The following SEPTIN8 variants were observed in gnomAD, a reference collection of about 807,000 sequenced individuals.
SEPTIN8 encodes septin 8.
In SEPTIN8, 22 loss-of-function variants were observed where a neutral mutation model predicts 53.1. The observed-to-expected ratio is 0.41, with a 90% confidence interval of 0.30 to 0.59. The LOEUF (loss-of-function observed/expected upper bound fraction) is 0.59. SEPTIN8 is among the 20% of genes least tolerant of loss of function. The pLI is 0.24. For synonymous variants in SEPTIN8, 228 were observed against 248.4 expected (o/e 0.92, Z 0.77); for missense variants, 536 against 638.7 (o/e 0.84, Z 1.73).
At chr5:132,779,659 T>A (rs1394279489), upstream of SEPTIN8, among the ~76,000 whole-genome samples, 1 of 152,270 alleles carries the variant, frequency 6.6e-6, no homozygotes, top group Non-Finnish European at 1.5e-5. Flanking sequence ...CTTGTTATTT[T>A]ATTTATTATT....
chr5:132,770,137 A>ATG (rs1273504508), intron 1 of SEPTIN8, among the ~76,000 whole-genome samples: 98 of 66,790 alleles, frequency 1.5e-3, no homozygotes, highest in Admixed American at 2.4e-3. Flanking sequence ...ATATATGTGT[A>ATG]TGTGTGTGTA....
rs768233643 is a variant in SEPTIN8, at chr5:132,761,572, A to G, written c.848T>C (p.Val283Ala). 6.2e-7 allele frequency: 1 copy of G among 1,613,924 alleles called. No individual in the cohort carries two copies. Among genetic ancestry groups the G allele is most frequent in the African/African-American group, 1.3e-5 (1 of 74,962 alleles). The stretch of plus-strand genomic sequence containing the variant: ...CTGCTCGCGGAGGTCTTCCATGTTC[A>G]CCCGGATCAACATCTCCCGCAGCTT... ...FVKLREMLIR[V>A]NMEDLREQTH... Residue 283 changes from valine to alanine, a missense_variant, in exon 7 of 10, where the codon GTG becomes GCG. Physicochemically the swap from Val to Ala is moderately conservative, Grantham distance 64. Transcript: ENST00000378719. This position sits in a 1 kb window ranked among gnomAD's most constrained non-coding sequence, Gnocchi z 5.8.
At position 132,776,588 on chromosome 5, in the gene SEPTIN8, G is replaced by A. The variant is rs1757818855; in HGVS notation, c.30+520C>T. On this transcript the variant is annotated intron_variant, in intron 1 of 9. Transcript: ENST00000378719. The surrounding 1 kb of genome is among the most constrained non-coding windows in gnomAD (Gnocchi z 4.4). The stretch of plus-strand genomic sequence containing the variant: ...AGCGGGGCAGAGGGGAGCGGGGGAG[G>A]AAGGAAAAGCAGGCCAAGGGTCTTC... Among the ~76,000 whole-genome samples, 1 of 152,150 alleles carries A rather than the reference G, an allele frequency of 6.6e-6. No homozygotes were observed. The highest frequency in any genetic ancestry group is 6.5e-5 in the Admixed American group (1 of 15,286).
In SEPTIN8 at chr5:132,773,960, G is replaced by C. The variant is rs561034113; in HGVS notation, c.30+3148C>G. 1 of 152,610 alleles carries C rather than the reference G, an allele frequency of 6.6e-6. No homozygotes were observed. Among genetic ancestry groups the C allele is most frequent in the Admixed American group, 6.5e-5 (1 of 15,304 alleles). The allele number at this position is 152,610 out of a possible 1,614,324, so 9.5% of individuals were successfully genotyped here. On this transcript the variant is annotated intron_variant, in intron 1 of 9. Coordinates refer to ENST00000378719, the MANE Select transcript of SEPTIN8 (RefSeq NM_001098811.2). This position sits in a 1 kb window ranked among gnomAD's most constrained non-coding sequence, Gnocchi z 4.2. ...AGGGCAGAGCTGCAGCTCTGCAGGT[G>C]GTGCTCACATGTGCCCTGGGAGCTG...
In SEPTIN8 at chr5:132,762,570, T is replaced by C. The variant is rs1298302558; in HGVS notation, c.610A>G (p.Met204Val). 5 of 1,614,196 alleles carry C rather than the reference T, an allele frequency of 3.1e-6. No individual in the cohort carries two copies. The highest frequency in any genetic ancestry group is 8.5e-7 in the Non-Finnish European group (1 of 1,179,976). The change falls in exon 5 of 10, where the codon ATG (methionine) becomes GTG (valine). Residue 204 changes from methionine to valine, a missense_variant. Physicochemically the swap from Met to Val is conservative, Grantham distance 21. Around this residue, in one of 3 missense-constraint regions of SEPTIN8, gnomAD observed 395 missense variants for 451.8 expected, o/e 0.87. Coordinates refer to ENST00000378719, the MANE Select transcript of SEPTIN8 (RefSeq NM_001098811.2). ...SELHKFKIKI[M>V]GELVSNGVQI... The stretch of plus-strand genomic sequence containing the variant: ...ACCCCGTTGCTGACCAACTCGCCCA[T>C]GATCTTGATCTTGAACTTGTGGAGC...
chr5:132,765,367 T>C, intron 2 of SEPTIN8, 42 bp downstream of exon 2: 2 of 1,608,472 alleles, frequency 1.2e-6, no homozygotes, highest in Non-Finnish European at 1.7e-6. Flanking sequence ...TCCCAGGAGG[T>C]TCTCACCCAC....
chr5:132,767,201 G>A (rs1478987221), intron 1 of SEPTIN8, among the ~76,000 whole-genome samples: 5 of 152,122 alleles, frequency 3.3e-5, no homozygotes, highest in African/African-American at 1.2e-4. Flanking sequence ...AACATAATTG[G>A]ACAAGGAGGT....
At chr5:132,778,671 T>A (rs1178222086), upstream of SEPTIN8, among the ~76,000 whole-genome samples, 1 of 152,240 alleles carries the variant, frequency 6.6e-6, no homozygotes, top group Non-Finnish European at 1.5e-5. Flanking sequence ...GCAAGTTACT[T>A]AACTATGCCT....
intron 9 of SEPTIN8, chr5:132,755,949 G>C (rs760776703): frequency 7.7e-5 from 73 of 949,118 alleles, no homozygotes; most frequent in Non-Finnish European, 6.6e-5. Flanking sequence ...AGATTAATGG[G>C]CTCAGGAAAC....
intron 1 of SEPTIN8, among the ~76,000 whole-genome samples, chr5:132,768,998 C>T (rs1756911405): frequency 1.3e-5 from 2 of 152,172 alleles, no homozygotes; most frequent in South Asian, 2.1e-4. Context: ...AGGGAGAAAG[C>T]GAGGAGAGCC....
At chr5:132,762,713 C>T in intron 4 of SEPTIN8, 68 bp from the exon 5 acceptor site, 1 of 1,540,122 alleles carries the variant, frequency 6.5e-7, no homozygotes, top group Non-Finnish European at 9.0e-7. Flanking sequence ...CATGCCATGC[C>T]CAGGATATGG....
At position 132,761,847 on chromosome 5, in the gene SEPTIN8, C is replaced by T; in HGVS notation, c.746G>A (p.Gly249Glu). The change falls in exon 6 of 10, where the codon GGG becomes GAG. Residue 249 changes from glycine (G) to glutamate (E), a missense_variant. Gly to Glu is a moderately conservative substitution (Grantham distance 98). Around this residue, in one of 3 missense-constraint regions of SEPTIN8, gnomAD observed 395 missense variants for 451.8 expected, o/e 0.87. Transcript: ENST00000378719. This position sits in a 1 kb window ranked among gnomAD's most constrained non-coding sequence, Gnocchi z 5.8. The part of the protein sequence containing the change: ...VVGSTEEVKV[G>E]NKLVRARQYP... Reference sequence around the variant, plus strand: ...CTGCCGTGCTCGGACCAGCTTGTTCCCCACCTTCACCTCCTCGGTGCTGCC... The same window carrying T: ...CTGCCGTGCTCGGACCAGCTTGTTCTCCACCTTCACCTCCTCGGTGCTGCC... 6.2e-7 allele frequency: 1 copy of T among 1,607,992 alleles called. No homozygotes were observed. The highest frequency in any genetic ancestry group is 1.3e-5 in the African/African-American group (1 of 74,932).
chr5:132,764,253 G>A lies in SEPTIN8; in HGVS notation c.318C>T (p.Gly106=), dbSNP rs762465586. The part of the protein sequence containing the change: ...QLKLTIVDAV[G]FGDQINKDES... ...CATCCTTATTGATCTGATCCCCAAAGCCCACGGCATCCACAATGGTCAGCT... is the reference window on the plus strand; with the variant it reads ...CATCCTTATTGATCTGATCCCCAAAACCCACGGCATCCACAATGGTCAGCT... Residue 106 remains glycine (G), a synonymous_variant, in exon 3 of 10, where the codon GGC becomes GGT. Coordinates refer to ENST00000378719, the MANE Select transcript of SEPTIN8 (RefSeq NM_001098811.2). 1 of 1,613,900 alleles carries A rather than the reference G, an allele frequency of 6.2e-7. No homozygotes were observed. The highest frequency in any genetic ancestry group is 8.5e-7 in the Non-Finnish European group (1 of 1,179,916).
In SEPTIN8 at chr5:132,751,052, C is replaced by T. The variant is rs1005698771; in HGVS notation, c.*964G>A. On this transcript the variant is annotated 3_prime_UTR_variant, in exon 10 of 10. Coordinates refer to ENST00000378719, the MANE Select transcript of SEPTIN8 (RefSeq NM_001098811.2). ...CCTAAACTCGTTTGTGCCTTTGGAACAGCTGTTTACAACATGGGATGGCAA... is the reference window on the plus strand; with the variant it reads ...CCTAAACTCGTTTGTGCCTTTGGAATAGCTGTTTACAACATGGGATGGCAA... The T allele has an allele frequency of 1.0e-5, 16 of 1,591,580 alleles. No homozygotes were observed. In the Admixed American group the frequency reaches 2.3e-4, roughly 23 times the overall value.
Position 132,773,801 on chromosome 5 carries a change from A to T in SEPTIN8, c.30+3307T>A, listed in dbSNP as rs573149222. 1 of 152,534 alleles carries T rather than the reference A, an allele frequency of 6.6e-6. No homozygotes were observed. The highest frequency in any genetic ancestry group is 1.5e-5 in the Non-Finnish European group (1 of 68,328). The allele number at this position is 152,534 out of a possible 1,614,324, so 9.4% of individuals were successfully genotyped here. ...TAGCATGTGCTCCCTGGAATGACCA[A>T]TGCTTTCCATCAGCCCCGCAGCTCT... On this transcript the variant is annotated intron_variant, in intron 1 of 9. Coordinates refer to ENST00000378719, the MANE Select transcript of SEPTIN8 (RefSeq NM_001098811.2). The surrounding 1 kb of genome is among the most constrained non-coding windows in gnomAD (Gnocchi z 4.2).
In SEPTIN8 at chr5:132,772,700, G is replaced by A. The variant is rs146292058; in HGVS notation, c.30+4408C>T. Reference sequence around the variant, plus strand: ...CGGAGGAATGCATGGGCACCAATACGGGTTGGCAGAGGTATGGGGGTGGCA... The same window carrying A: ...CGGAGGAATGCATGGGCACCAATACAGGTTGGCAGAGGTATGGGGGTGGCA... On this transcript the variant is annotated intron_variant, in intron 1 of 9. Coordinates refer to ENST00000378719, the MANE Select transcript of SEPTIN8 (RefSeq NM_001098811.2). Among the ~76,000 whole-genome samples, 213 of 152,284 alleles carry A rather than the reference G, an allele frequency of 1.4e-3. 1 individual carries two copies. The highest frequency in any genetic ancestry group is 1.7e-3 in the Non-Finnish European group (116 of 68,020).
intron 3 of SEPTIN8, 42 bp from the exon 4 acceptor site, chr5:132,763,934 C>T: frequency 6.6e-7 from 1 of 1,519,586 alleles, no homozygotes; most frequent in South Asian, 1.3e-5. Flanking sequence ...CAGCTGAGAT[C>T]AGGGGCTTGG....
chr5:132,767,032 C>T (rs1756671871), intron 1 of SEPTIN8, among the ~76,000 whole-genome samples: 1 of 152,142 alleles, frequency 6.6e-6, no homozygotes, highest in Non-Finnish European at 1.5e-5. Context: ...TTGTACCATC[C>T]CCTCAAACAA....
rs747545966 is a variant in SEPTIN8 at position 132,760,828 on chromosome 5, G to C, written c.1260C>G (p.Pro420=). Residue 420 remains proline, a synonymous_variant, in exon 9 of 10, where the codon CCC becomes CCG. Transcript: ENST00000378719. This position sits in a 1 kb window ranked among gnomAD's most constrained non-coding sequence, Gnocchi z 5.2. ...TCTTCTTGTCCTTGTCCTTCCTCAG[G>C]GGCTGCTGCGAGGTGGCGTGCAAGG... ...SQALHATSQQ[P]LRKDKDKKNR... The C allele has an allele frequency of 6.2e-7, 1 of 1,613,828 alleles. No individual in the cohort carries two copies. The highest frequency in any genetic ancestry group is 1.1e-5 in the South Asian group (1 of 91,080).
Sources: allele counts gnomAD v4.1 joint callset (sites outside exome capture counted in the v4.1 genomes callset), GRCh38; gene constraint gnomAD v4.1.1; regional missense constraint gnomAD v4.1.1; non-coding constraint Gnocchi (gnomAD v3.1); transcripts MANE v1.5; gene names NCBI Gene and HGNC (gene_info 2026-07-23, HGNC 2026-07-21).